The following SERHL2 variants were observed in gnomAD, a reference collection of about 807,000 sequenced individuals.
The protein encoded by SERHL2 is serine hydrolase-like protein 2.
SERHL2 carries 29 observed loss-of-function variants against 25.5 expected under a neutral mutation model. That is an observed-to-expected ratio of 1.14 (90% CI 0.85 to 1.55). The LOEUF (loss-of-function observed/expected upper bound fraction) is 1.55. Ranked by LOEUF, SERHL2 falls within the 40% of genes most tolerant of loss-of-function variation. The probability of loss-of-function intolerance (pLI) is 0.00; values close to 1 mark genes in which losing one functional copy is unlikely to be tolerated. For missense variants in SERHL2, 240 were observed against 252.3 expected (o/e 0.95, Z 0.33); for synonymous variants, 95 against 103.5 (o/e 0.92, Z 0.50).
intron 8 of SERHL2, chr22:42,564,997 A>G (rs1923169712): frequency 6.6e-6 from 1 of 152,046 alleles, no homozygotes; most frequent in African/African-American, 2.4e-5. Flanking sequence ...TACACGCAAC[A>G]AGGCCATTTA....
intron 9 of SERHL2, among the ~76,000 whole-genome samples, chr22:42,570,591 G>C (rs1361781077): frequency 8.5e-5 from 13 of 152,200 alleles, no homozygotes; most frequent in African/African-American, 2.9e-4. Flanking sequence ...CTGCCATCCA[G>C]ACGTAAAACA....
intron 9 of SERHL2, among the ~76,000 whole-genome samples, chr22:42,567,916 G>C (rs1025166978): frequency 6.6e-6 from 1 of 151,422 alleles, no homozygotes; most frequent in Non-Finnish European, 1.5e-5. Flanking sequence ...TTTTAGTGGA[G>C]ATGGGGTTTC....
chr22:42,559,229 T>TAAAAAAAAAAAAAAAAAAAAA lies in SERHL2; in HGVS notation c.533+779_533+799dup, dbSNP rs1194822216. ...GAGCGAGATAGCGAGACCCTGTATT[T>TAAAAAAAAAAAAAAAAAAAAA]AAAAAAAAAAAAAAAAAAAAAAAAA... On this transcript the variant is annotated intron_variant, in intron 7 of 11. Transcript: ENST00000327678. 3.6e-4 allele frequency among the ~76,000 whole-genome samples: 25 copies of TAAAAAAAAAAAAAAAAAAAAA among 69,306 alleles called. No homozygotes were observed. In the East Asian group the frequency reaches 7.5e-3, roughly 21 times the overall value. 45.5% of individuals were successfully genotyped at this position (69,306 alleles called of 152,430 possible).
At position 42,554,045 on chromosome 22, in the gene SERHL2, C is replaced by G; in HGVS notation, c.22+3C>G. The G allele has an allele frequency of 6.2e-7, 1 of 1,613,512 alleles. No homozygotes were observed. The highest frequency in any genetic ancestry group is 8.5e-7 in the Non-Finnish European group (1 of 1,179,726). ...GATGAGTGAGAACGCCGCACCAGGT[C>G]TGACGGGGAGGCCTTGTGCGAGCGT... On this transcript the variant is annotated splice_donor_region_variant and intron_variant, in intron 1 of 11. Coordinates refer to ENST00000327678, the MANE Select transcript of SERHL2 (RefSeq NM_014509.5).
At chr22:42,571,094 G>C in intron 9 of SERHL2, 27 bp from the exon 10 acceptor site, 1 of 1,613,218 alleles carries the variant, frequency 6.2e-7, no homozygotes, top group Non-Finnish European at 8.5e-7. Flanking sequence ...CTTGTGACGA[G>C]AATTCACCAT....
At chr22:42,566,070 G>C (rs1923339470) in intron 8 of SERHL2, among the ~76,000 whole-genome samples, 1 of 152,072 alleles carries the variant, frequency 6.6e-6, no homozygotes, top group Non-Finnish European at 1.5e-5. Flanking sequence ...GGCCCTTTGG[G>C]GTGGCCGGTG....
At chr22:42,563,131 T>G (rs534768827) in intron 8 of SERHL2, among the ~76,000 whole-genome samples, 1 of 151,834 alleles carries the variant, frequency 6.6e-6, no homozygotes, top group Admixed American at 6.6e-5. Context: ...AGTCGGAGGC[T>G]GCATTGAACC....
At chr22:42,554,322 G>C (rs1205086239) in intron 1 of SERHL2, among the ~76,000 whole-genome samples, 1 of 152,100 alleles carries the variant, frequency 6.6e-6, no homozygotes. Flanking sequence ...TTGCAGAGAC[G>C]GAGGAGGCTG....
chr22:42,563,767 T>C (rs770626313), intron 8 of SERHL2, among the ~76,000 whole-genome samples: 3 of 151,898 alleles, frequency 2.0e-5, no homozygotes, highest in Non-Finnish European at 2.9e-5. Flanking sequence ...AATAGAAAGA[T>C]TTTATGTAAA....
Position 42,560,211 on chromosome 22 carries a change from A to G in SERHL2, c.559A>G (p.Ser187Gly), listed in dbSNP as rs1310538001. 6.2e-7 allele frequency: 1 copy of G among 1,612,856 alleles called. No individual in the cohort carries two copies. ...GTTACTGAAGAGCAATAGCCACTTG[A>G]GTGAGGAGTGCGGGGAGCTTCTCCT... ...QRLLKSNSHL[S>G]EECGELLLQR... Residue 187 changes from serine to glycine, a missense_variant, in exon 8 of 12, where the codon AGT (serine) becomes GGT (glycine). Transcript: ENST00000327678.
intron 8 of SERHL2, among the ~76,000 whole-genome samples, chr22:42,562,368 T>C (rs941410508): frequency 2.6e-5 from 4 of 151,834 alleles, no homozygotes; most frequent in African/African-American, 9.7e-5. Flanking sequence ...TCCCCCACAG[T>C]TCCGGAGTTC....
intron 8 of SERHL2, among the ~76,000 whole-genome samples, chr22:42,563,843 G>A (rs910780562): frequency 1.3e-5 from 2 of 151,914 alleles, no homozygotes; most frequent in African/African-American, 4.8e-5. Flanking sequence ...GGAGGCTGAG[G>A]TGGGTGAATC....
chr22:42,560,111 G>A (rs967744286), intron 7 of SERHL2, 75 bp from the exon 8 acceptor site: 19 of 1,095,188 alleles, frequency 1.7e-5, no homozygotes, highest in South Asian at 1.0e-4. Flanking sequence ...CGTCCCCCCC[G>A]GCCCTCCTCT....
At chr22:42,561,760 G>A (rs576104506) in intron 8 of SERHL2, among the ~76,000 whole-genome samples, 5 of 151,796 alleles carry the variant, frequency 3.3e-5, no homozygotes, top group African/African-American at 1.2e-4. Flanking sequence ...TTGGCCTCGG[G>A]TCGCCAGTTT....
intron 9 of SERHL2, 61 bp downstream of exon 9, chr22:42,566,399 T>C (rs989771822): frequency 1.9e-6 from 3 of 1,572,234 alleles, no homozygotes; most frequent in East Asian, 2.2e-5. Context: ...TTTGTCGTTT[T>C]TGAAAATTAC....
At position 42,573,905 on chromosome 22, in the gene SERHL2, C is replaced by T. The variant is rs183456205; in HGVS notation, c.826-31C>T. On this transcript the variant is annotated intron_variant, in intron 11 of 11. Coordinates refer to ENST00000327678, the MANE Select transcript of SERHL2 (RefSeq NM_014509.5). ...GGAGCTCCCTAGGCTCCTCTGGCCA[C>T]ACCTCACCACCCACCCCCTCCCCTC... 5.2e-4 allele frequency: 836 copies of T among 1,594,896 alleles called. 9 individuals carry two copies. In the East Asian group the frequency reaches 0.016, roughly 31 times the overall value.
At chr22:42,568,485 C>G (rs1429106028) in intron 9 of SERHL2, among the ~76,000 whole-genome samples, 1 of 151,962 alleles carries the variant, frequency 6.6e-6, no homozygotes, top group Non-Finnish European at 1.5e-5. Context: ...GCCCCCTTCC[C>G]TGTCCTTAGG....
At chr22:42,566,242 G>C in intron 8 of SERHL2, 62 bp from the exon 9 acceptor site, 4 of 1,557,582 alleles carry the variant, frequency 2.6e-6, no homozygotes, top group Non-Finnish European at 3.5e-6. Flanking sequence ...GCAAAGTCAC[G>C]GAGCGTCCCC....
At chr22:42,561,157 T>C (rs1922632805) in intron 8 of SERHL2, among the ~76,000 whole-genome samples, 2 of 151,802 alleles carry the variant, frequency 1.3e-5, no homozygotes, top group Admixed American at 6.6e-5. Context: ...ATGAAGGAAA[T>C]ACATGGTGCT....
Sources: allele counts gnomAD v4.1 joint callset (sites outside exome capture counted in the v4.1 genomes callset), GRCh38; gene constraint gnomAD v4.1.1; transcripts MANE v1.5; gene names NCBI Gene and HGNC (gene_info 2026-07-23, HGNC 2026-07-21).